CHCHD3: variants seen among roughly 807,000 people sequenced by gnomAD.
The protein encoded by CHCHD3 is MICOS complex subunit MIC19.
A neutral mutation model predicts 38.2 loss-of-function variants in CHCHD3; 20 were observed. That is an observed-to-expected ratio of 0.52 (90% CI 0.37 to 0.76). CHCHD3 has a LOEUF of 0.76. Among genes scored for constraint, CHCHD3 ranks in the 30% least tolerant of loss-of-function variants. The probability of loss-of-function intolerance (pLI) is 0.00; values close to 1 mark genes in which losing one functional copy is unlikely to be tolerated. For missense variants in CHCHD3, 245 were observed against 279.2 expected, an observed-to-expected ratio of 0.88 and a Z score of 0.87; for synonymous variants, 82 against 100.0, an observed-to-expected ratio of 0.82 and a Z score of 1.07.
At chr7:133,079,129 AT>A (rs1815095319) in intron 1 of CHCHD3, among the ~76,000 whole-genome samples, 1 of 152,258 alleles carries the variant, frequency 6.6e-6, no homozygotes, top group African/African-American at 2.4e-5. Flanking sequence ...TTCCCAGTCC[AT>A]ACCCTTTTAG....
At chr7:133,047,076 C>T (rs945490194) in intron 2 of CHCHD3, among the ~76,000 whole-genome samples, 2 of 152,138 alleles carry the variant, frequency 1.3e-5, no homozygotes, top group African/African-American at 2.4e-5. Context: ...AATGCTTCCA[C>T]GAGCTGCTGG....
intron 4 of CHCHD3, among the ~76,000 whole-genome samples, chr7:132,897,363 G>C (rs2117195036): frequency 6.6e-6 from 1 of 150,756 alleles, no homozygotes; most frequent in Non-Finnish European, 1.5e-5. Flanking sequence ...GTACTAACTT[G>C]TATTTGTTCA....
At position 132,832,391 on chromosome 7, in the gene CHCHD3, C is replaced by T. The variant is rs1807673430; in HGVS notation, c.524+6008G>A. Among the ~76,000 whole-genome samples the T allele has an allele frequency of 2.6e-5, 4 of 152,172 alleles. No individual in the cohort carries two copies. The South Asian group carries it at 8.3e-4, about 31-fold the overall frequency. On this transcript the variant is annotated intron_variant, in intron 6 of 7. Transcript: ENST00000262570. ...CTTCCAAGTTCATAGACTTGTACTT[C>T]TTTAGAAGTGCTTCTTCTTTCACAG...
At chr7:132,896,995 T>A (rs1466326376) in intron 4 of CHCHD3, among the ~76,000 whole-genome samples, 1 of 152,216 alleles carries the variant, frequency 6.6e-6, no homozygotes, top group African/African-American at 2.4e-5. Context: ...CGTTATCAAC[T>A]ACTGAATGCT....
intron 4 of CHCHD3, among the ~76,000 whole-genome samples, chr7:132,964,767 A>G (rs1278236846): frequency 6.6e-6 from 1 of 152,198 alleles, no homozygotes; most frequent in Non-Finnish European, 1.5e-5. Context: ...GTGTACAAAT[A>G]GCACTTCCTT....
intron 3 of CHCHD3, among the ~76,000 whole-genome samples, chr7:132,988,219 A>G (rs942550449): frequency 6.6e-6 from 1 of 151,978 alleles, no homozygotes; most frequent in Non-Finnish European, 1.5e-5. Context: ...CCAAAATAAA[A>G]CCAGTGAGAG....
chr7:132,809,587 T>A (rs1807013888), intron 6 of CHCHD3, among the ~76,000 whole-genome samples: 1 of 152,188 alleles, frequency 6.6e-6, no homozygotes. Context: ...TCACAAGGTA[T>A]TACTTGTGAT....
intron 6 of CHCHD3, among the ~76,000 whole-genome samples, chr7:132,811,154 T>C (rs778617144): frequency 3.3e-5 from 5 of 152,230 alleles, no homozygotes; most frequent in African/African-American, 4.8e-5. Flanking sequence ...TTTCTATTGA[T>C]ACTTTGGAGG....
At chr7:133,021,981 G>T (rs1813190441) in intron 3 of CHCHD3, among the ~76,000 whole-genome samples, 1 of 152,012 alleles carries the variant, frequency 6.6e-6, no homozygotes, top group Non-Finnish European at 1.5e-5. Flanking sequence ...CAGCTACTCG[G>T]GAGGCTGAGG....
chr7:132,929,996 G>A (rs989900552), intron 4 of CHCHD3, among the ~76,000 whole-genome samples: 7 of 152,020 alleles, frequency 4.6e-5, no homozygotes, highest in African/African-American at 1.7e-4. Context: ...CCAGTCACTT[G>A]GGTCCTTAAC....
intron 2 of CHCHD3, among the ~76,000 whole-genome samples, chr7:133,061,610 T>C (rs982935334): frequency 6.6e-6 from 1 of 152,182 alleles, no homozygotes; most frequent in African/African-American, 2.4e-5. Context: ...CTGGCAGCCG[T>C]GTACTTGCCC....
At chr7:132,946,752 C>T (rs1393233389) in intron 4 of CHCHD3, among the ~76,000 whole-genome samples, 2 of 151,456 alleles carry the variant, frequency 1.3e-5, no homozygotes, top group African/African-American at 4.8e-5. Context: ...GAGATTATAC[C>T]CTGAAATATG....
intron 4 of CHCHD3, among the ~76,000 whole-genome samples, chr7:132,908,988 G>A (rs914033620): frequency 2.0e-5 from 3 of 152,086 alleles, no homozygotes; most frequent in African/African-American, 7.2e-5. Context: ...GAGGGACCCG[G>A]TAAGAGGTAA....
At chr7:132,829,799 T>C (rs1807594338) in intron 6 of CHCHD3, among the ~76,000 whole-genome samples, 1 of 152,184 alleles carries the variant, frequency 6.6e-6, no homozygotes, top group African/African-American at 2.4e-5. Flanking sequence ...GTTCATGAGA[T>C]GGCTGCATTT....
chr7:132,812,984 G>A (rs772209453), intron 6 of CHCHD3, among the ~76,000 whole-genome samples: 3 of 137,756 alleles, frequency 2.2e-5, no homozygotes, highest in African/African-American at 5.5e-5. Flanking sequence ...CCTCACAGTC[G>A]ATTCCCATGG....
intron 5 of CHCHD3, among the ~76,000 whole-genome samples, chr7:132,867,040 CTTA>C (rs1005271860): frequency 1.7e-4 from 26 of 152,246 alleles, no homozygotes; most frequent in African/African-American, 6.3e-4. Context: ...TTTCTCTCCT[CTTA>C]TTGAGTCATT....
chr7:132,843,198 C>G (rs1807985879), intron 5 of CHCHD3, among the ~76,000 whole-genome samples: 1 of 152,082 alleles, frequency 6.6e-6, no homozygotes, highest in African/African-American at 2.4e-5. Context: ...TCCACCACAC[C>G]CAGCTAATTT....
chr7:132,960,087 T>G (rs974738744), intron 4 of CHCHD3, among the ~76,000 whole-genome samples: 1 of 152,228 alleles, frequency 6.6e-6, no homozygotes, highest in Non-Finnish European at 1.5e-5. Flanking sequence ...GGAGGCTTTT[T>G]CACTTCAACT....
At chr7:133,077,215 C>A (rs953877606) in intron 1 of CHCHD3, among the ~76,000 whole-genome samples, 1 of 152,246 alleles carries the variant, frequency 6.6e-6, no homozygotes, top group East Asian at 1.9e-4. Context: ...AAGATGGTAG[C>A]CAAAAACTTC....
Sources: allele counts gnomAD v4.1 joint callset (sites outside exome capture counted in the v4.1 genomes callset), GRCh38; gene constraint gnomAD v4.1.1; transcripts MANE v1.5; gene names NCBI Gene and HGNC (gene_info 2026-07-23, HGNC 2026-07-21).